The following ZNF804B variants were observed in gnomAD, a reference collection of about 807,000 sequenced individuals.
ZNF804B encodes the protein zinc finger protein 804B, also known as zinc finger 804B.
A neutral mutation model predicts 101.4 loss-of-function variants in ZNF804B; 80 were observed. That is an observed-to-expected ratio of 0.79 (90% CI 0.66 to 0.95). ZNF804B has a LOEUF of 0.95. Ranked by LOEUF, ZNF804B falls within the 40% of genes least tolerant of loss-of-function variation. The pLI is 0.00. For missense variants in ZNF804B, 1,673 were observed against 1,561.9 expected (o/e 1.07, Z -1.20); for synonymous variants, 622 against 558.8 (o/e 1.11, Z -1.59).
intron 1 of ZNF804B, among the ~76,000 whole-genome samples, chr7:89,098,517 C>A (rs531411816): frequency 6.6e-6 from 1 of 152,190 alleles, no homozygotes; most frequent in South Asian, 2.1e-4. Flanking sequence ...CGTGATCCTC[C>A]CACTTCAGCC....
intron 1 of ZNF804B, among the ~76,000 whole-genome samples, chr7:88,877,358 A>G (rs79474549): frequency 1.3e-5 from 2 of 152,076 alleles, no homozygotes; most frequent in East Asian, 1.9e-4. Flanking sequence ...ATTTGTAGGT[A>G]TATGTAGAAT....
intron 1 of ZNF804B, among the ~76,000 whole-genome samples, chr7:88,800,188 C>CA (rs201935298): frequency 6.6e-6 from 1 of 151,790 alleles, no homozygotes; most frequent in African/African-American, 2.4e-5. Context: ...ATTGAGTAGA[C>CA]AAAAAATATA....
chr7:89,292,426 T>G (rs1790311001), intron 2 of ZNF804B, among the ~76,000 whole-genome samples: 1 of 152,122 alleles, frequency 6.6e-6, no homozygotes, highest in Non-Finnish European at 1.5e-5. Context: ...TGTAGAATTT[T>G]TATTAGTTTT....
chr7:88,818,383 G>A (rs960033603), intron 1 of ZNF804B, among the ~76,000 whole-genome samples: 14 of 152,102 alleles, frequency 9.2e-5, no homozygotes, highest in Admixed American at 8.5e-4. Context: ...TGGAAGCAAA[G>A]GGGATAATAA....
chr7:88,783,233 C>T (rs963113030), intron 1 of ZNF804B, among the ~76,000 whole-genome samples: 25 of 152,174 alleles, frequency 1.6e-4, no homozygotes, highest in Admixed American at 1.2e-3. Context: ...TTTTGCATGT[C>T]GTTTGTGCTT....
chr7:89,240,741 G>C (rs1789356317), intron 2 of ZNF804B, among the ~76,000 whole-genome samples: 1 of 151,816 alleles, frequency 6.6e-6, no homozygotes, highest in Non-Finnish European at 1.5e-5. Flanking sequence ...CTAGACCATA[G>C]TTTCAACCCA....
intron 1 of ZNF804B, among the ~76,000 whole-genome samples, chr7:89,014,790 C>T (rs527777081): frequency 6.6e-6 from 1 of 152,094 alleles, no homozygotes; most frequent in Non-Finnish European, 1.5e-5. Flanking sequence ...ACATTTTCTC[C>T]CATTTCATAG....
Position 89,197,746 on chromosome 7 carries a change from A to G in ZNF804B, c.109-20409A>G, listed in dbSNP as rs553146999. 7.2e-5 allele frequency among the ~76,000 whole-genome samples: 11 copies of G among 151,956 alleles called. 1 individual carries two copies. The South Asian group carries it at 2.1e-3, about 29-fold the overall frequency. On this transcript the variant is annotated intron_variant, in intron 1 of 3. Coordinates refer to ENST00000333190, the MANE Select transcript of ZNF804B (RefSeq NM_181646.5). ...CTTGATTTTTCCTTTTCTTGTTATA[A>G]TAGTATATGCACAGGTTAGTGGATT... is the stretch of plus-strand genomic sequence containing the variant.
chr7:89,186,102 CAGAA>C (rs1788372054), intron 1 of ZNF804B, among the ~76,000 whole-genome samples: 1 of 151,592 alleles, frequency 6.6e-6, no homozygotes, highest in African/African-American at 2.4e-5. Flanking sequence ...AATTAACAAT[CAGAA>C]AGAATATGTA....
chr7:89,122,455 G>A (rs1392603232), intron 1 of ZNF804B, among the ~76,000 whole-genome samples: 1 of 152,092 alleles, frequency 6.6e-6, no homozygotes, highest in Non-Finnish European at 1.5e-5. Context: ...ATTACCAGTG[G>A]GAGAAGATGA....
intron 1 of ZNF804B, among the ~76,000 whole-genome samples, chr7:88,827,432 G>GT (rs5885640): frequency 3.4e-3 from 509 of 147,640 alleles, no homozygotes; most frequent in African/African-American, 9.2e-3. Flanking sequence ...ACATATATGT[G>GT]TTTTTTTTTT....
intron 1 of ZNF804B, among the ~76,000 whole-genome samples, chr7:89,208,483 A>G (rs1788751168): frequency 6.6e-6 from 1 of 152,170 alleles, no homozygotes; most frequent in African/African-American, 2.4e-5. Flanking sequence ...TCTGGAAATT[A>G]TATCTTCCCT....
At position 88,794,386 on chromosome 7, in the gene ZNF804B, C is replaced by G. The variant is rs34276371; in HGVS notation, c.108+34302C>G. ...TTTAGTGCCTACTTTCATAGTCTGG[C>G]AAAGGTAGAGTGACAGTTTATGAGT... On this transcript the variant is annotated intron_variant, in intron 1 of 3. Transcript: ENST00000333190. The G allele has an allele frequency of 3.9e-4, 626 of 1,613,700 alleles. 3 individuals are homozygous for G. In the African/African-American group the frequency reaches 7.6e-3, roughly 20 times the overall value.
chr7:88,960,601 T>G (rs1010079703), intron 1 of ZNF804B, among the ~76,000 whole-genome samples: 2 of 151,196 alleles, frequency 1.3e-5, no homozygotes, highest in Non-Finnish European at 3.0e-5. Flanking sequence ...ATACATAGAG[T>G]ATTGTTAGCT....
chr7:88,953,985 C>A (rs927398762), intron 1 of ZNF804B, among the ~76,000 whole-genome samples: 1 of 151,624 alleles, frequency 6.6e-6, no homozygotes, highest in African/African-American at 2.4e-5. Context: ...TTGTGTAAAA[C>A]TCTGATTATT....
chr7:89,221,691 TTTCTATTCTATTCTA>T (rs61397319), intron 2 of ZNF804B, among the ~76,000 whole-genome samples: 7,999 of 142,542 alleles, frequency 0.056, 245 homozygotes, highest in South Asian at 0.086. Context: ...TTCCTCAATA[TTTCTATTCTATTCTA>T]TTCTATTCTA....
intron 1 of ZNF804B, among the ~76,000 whole-genome samples, chr7:88,992,751 C>T (rs1460576058): frequency 8.6e-5 from 13 of 151,310 alleles, no homozygotes; most frequent in Non-Finnish European, 1.8e-4. Flanking sequence ...ATTCACAGTC[C>T]CAGATATTAG....
intron 1 of ZNF804B, among the ~76,000 whole-genome samples, chr7:88,894,350 A>C (rs1204357754): frequency 1.3e-5 from 2 of 151,870 alleles, no homozygotes; most frequent in Non-Finnish European, 2.9e-5. Flanking sequence ...AGTAGCTGGG[A>C]TACAGATATG....
chr7:88,995,255 G>A (rs531703515), intron 1 of ZNF804B, among the ~76,000 whole-genome samples: 1 of 152,102 alleles, frequency 6.6e-6, no homozygotes, highest in Non-Finnish European at 1.5e-5. Flanking sequence ...TAAGTTGGTA[G>A]AAAGTTGAAC....
Sources: allele counts gnomAD v4.1 joint callset (sites outside exome capture counted in the v4.1 genomes callset), GRCh38; gene constraint gnomAD v4.1.1; transcripts MANE v1.5; gene names NCBI Gene and HGNC (gene_info 2026-07-23, HGNC 2026-07-21).